Variants in SEPTIN9 observed in about 807,000 individuals in gnomAD.
The protein encoded by SEPTIN9 is septin 9, also known as septin-9.
A neutral mutation model predicts 56.6 loss-of-function variants in SEPTIN9; 13 were observed. That is an observed-to-expected ratio of 0.23 (90% CI 0.15 to 0.37). The LOEUF (loss-of-function observed/expected upper bound fraction) is 0.37. Among genes scored for constraint, SEPTIN9 ranks in the 10% least tolerant of loss-of-function variants. The pLI is 1.00. For missense variants in SEPTIN9, 650 were observed against 823.1 expected, an observed-to-expected ratio of 0.79 and a Z score of 2.57; for synonymous variants, 332 against 334.1, an observed-to-expected ratio of 0.99 and a Z score of 0.07.
intron 3 of SEPTIN9, among the ~76,000 whole-genome samples, chr17:77,413,940 CTT>C (rs202194441): frequency 3.7e-3 from 471 of 125,738 alleles, no homozygotes; most frequent in African/African-American, 0.011. Context: ...TCAGTATTTT[CTT>C]TTTTTTTTTT....
At position 77,310,579 on chromosome 17, in the gene SEPTIN9, G is replaced by A. The variant is rs1159152255; in HGVS notation, c.76+3382G>A. Among the ~76,000 whole-genome samples the A allele has an allele frequency of 5.3e-5, 6 of 113,182 alleles. No individual in the cohort carries two copies. Among genetic ancestry groups the A allele is most frequent in the East Asian group, 2.6e-4 (1 of 3,808 alleles). 74.3% of individuals were successfully genotyped at this position (113,182 alleles called of 152,430 possible). On this transcript the variant is annotated intron_variant, in intron 2 of 11. Coordinates refer to ENST00000427177, the MANE Select transcript of SEPTIN9 (RefSeq NM_001113491.2). The surrounding 1 kb of genome is among the most constrained non-coding windows in gnomAD (Gnocchi z 4.7). ...CTCTGTTACTAGTGCTGCCGGGAAC[G>A]TGTGTTTCCCCAGGTGGATTTGGCT...
In SEPTIN9 at chr17:77,436,354, A is replaced by C. The variant is rs929959686; in HGVS notation, c.721+33651A>C. Reference sequence around the variant, plus strand: ...ACCGACTTCTGCAGCCCAGCTGTTCAGAGCGGATCCAGAAGGTGGAGAGAG... The same window carrying C: ...ACCGACTTCTGCAGCCCAGCTGTTCCGAGCGGATCCAGAAGGTGGAGAGAG... On this transcript the variant is annotated intron_variant, in intron 3 of 11. Coordinates refer to ENST00000427177, the MANE Select transcript of SEPTIN9 (RefSeq NM_001113491.2). The surrounding 1 kb of genome is among the most constrained non-coding windows in gnomAD (Gnocchi z 4.4). Among the ~76,000 whole-genome samples, 12 of 152,244 alleles carry C rather than the reference A, an allele frequency of 7.9e-5. No individual in the cohort carries two copies. Among genetic ancestry groups the C allele is most frequent in the Non-Finnish European group, 1.5e-4 (10 of 68,036 alleles).
intron 2 of SEPTIN9, among the ~76,000 whole-genome samples, chr17:77,353,986 C>G (rs905840320): frequency 2.6e-5 from 4 of 152,122 alleles, no homozygotes; most frequent in African/African-American, 9.7e-5. Flanking sequence ...GAAAGACTCC[C>G]CACAAGGGTC....
intron 1 of SEPTIN9, among the ~76,000 whole-genome samples, chr17:77,291,020 A>G (rs1009464451): frequency 7.2e-5 from 10 of 138,548 alleles, no homozygotes; most frequent in Admixed American, 6.7e-4. Flanking sequence ...TGTGCGCTGC[A>G]TGCCTGGCTA....
chr17:77,350,610 A>AGTGTGTGTGTGT (rs57851361), intron 2 of SEPTIN9, among the ~76,000 whole-genome samples: 6,328 of 149,454 alleles, frequency 0.042, 169 homozygotes, highest in East Asian at 0.091. Flanking sequence ...CCTCCAGTGC[A>AGTGTGTGTGTGT]GTGTGTGTGT....
At chr17:77,441,841 C>T (rs1293039815) in intron 3 of SEPTIN9, among the ~76,000 whole-genome samples, 1 of 152,206 alleles carries the variant, frequency 6.6e-6, no homozygotes, top group Non-Finnish European at 1.5e-5. Flanking sequence ...ATCCTGCAGG[C>T]AGTCTGTCCT....
intron 4 of SEPTIN9, among the ~76,000 whole-genome samples, chr17:77,485,466 A>T (rs992956072): frequency 2.0e-5 from 3 of 150,792 alleles, no homozygotes; most frequent in African/African-American, 7.3e-5. Flanking sequence ...GGCGGGAGTG[A>T]TGGGATGATG....
rs1275991309 is a variant in SEPTIN9, at chr17:77,434,293, C to T, written c.721+31590C>T. Among the ~76,000 whole-genome samples the T allele has an allele frequency of 5.3e-5, 8 of 152,280 alleles. No homozygotes were observed. In the East Asian group the frequency reaches 7.7e-4, roughly 15 times the overall value. Reference sequence around the variant, plus strand: ...GTCAGACTTACCCTCCTTGTGCCTCCGTTCACCCTGTCCACCCGCAGGGCC... The same window carrying T: ...GTCAGACTTACCCTCCTTGTGCCTCTGTTCACCCTGTCCACCCGCAGGGCC... On this transcript the variant is annotated intron_variant, in intron 3 of 11. Coordinates refer to ENST00000427177, the MANE Select transcript of SEPTIN9 (RefSeq NM_001113491.2). The surrounding 1 kb of genome is among the most constrained non-coding windows in gnomAD (Gnocchi z 5.0).
rs2032754878 is a variant in SEPTIN9 at position 77,317,522 on chromosome 17, T to A, written c.76+10325T>A. Among the ~76,000 whole-genome samples the A allele has an allele frequency of 6.6e-6, 1 of 152,186 alleles. No individual in the cohort carries two copies. Among genetic ancestry groups the A allele is most frequent in the Admixed American group, 6.5e-5 (1 of 15,280 alleles). On this transcript the variant is annotated intron_variant, in intron 2 of 11. Transcript: ENST00000427177. This position sits in a 1 kb window ranked among gnomAD's most constrained non-coding sequence, Gnocchi z 4.2. The stretch of plus-strand genomic sequence containing the variant: ...AGGGATCTAGGTTGCGTGCTTCTTA[T>A]GAGAATCTGATGCCTGATGATCTGT...
At chr17:77,390,222 C>CA in intron 2 of SEPTIN9, among the ~76,000 whole-genome samples, 1 of 151,674 alleles carries the variant, frequency 6.6e-6, no homozygotes, top group African/African-American at 2.4e-5. Context: ...AGGCAGGCGC[C>CA]CGTAGTCCCA....
At chr17:77,406,675 G>GT (rs1475403457) in intron 3 of SEPTIN9, among the ~76,000 whole-genome samples, 2 of 147,946 alleles carry the variant, frequency 1.4e-5, no homozygotes, top group African/African-American at 2.5e-5. Flanking sequence ...TTTTTTTTTT[G>GT]TTTTTTGTTT....
chr17:77,454,815 C>T (rs865936258), intron 3 of SEPTIN9, among the ~76,000 whole-genome samples: 7 of 152,368 alleles, frequency 4.6e-5, no homozygotes, highest in South Asian at 4.1e-4. Context: ...CTTCTGCAGG[C>T]GCCTGAGCTG....
intron 7 of SEPTIN9, among the ~76,000 whole-genome samples, 161 bp from the exon 8 acceptor site, chr17:77,490,581 C>T (rs1000707211): frequency 1.3e-5 from 2 of 152,208 alleles, no homozygotes; most frequent in Admixed American, 1.3e-4. Context: ...CTGCCCCACA[C>T]TCACAGCGTG....
At chr17:77,460,602 T>C (rs312845) in intron 3 of SEPTIN9, among the ~76,000 whole-genome samples, 14,484 of 152,130 alleles carry the variant, frequency 0.095, 1,739 homozygotes, top group African/African-American at 0.28. Flanking sequence ...TGGAGTGGGT[T>C]CACCAGAAAT....
chr17:77,485,244 T>TGTGATGGTGGTGAAGGGG (rs2039717741), intron 4 of SEPTIN9, among the ~76,000 whole-genome samples: 5 of 106,908 alleles, frequency 4.7e-5, no homozygotes, highest in Admixed American at 8.9e-5. Context: ...TGGTGGTGAT[T>TGTGATGGTGGTGAAGGGG]GTGATGGTGG....
chr17:77,328,159 G>T (rs1437187124), intron 2 of SEPTIN9, among the ~76,000 whole-genome samples: 1 of 100,414 alleles, frequency 1.0e-5, no homozygotes, highest in Non-Finnish European at 2.4e-5. Context: ...GGGTGTCCCC[G>T]TGCCCAGTGT....
chr17:77,426,201 T>G (rs975364730), intron 3 of SEPTIN9, among the ~76,000 whole-genome samples: 9 of 152,078 alleles, frequency 5.9e-5, no homozygotes, highest in Admixed American at 3.9e-4. Flanking sequence ...GACCCCTGCT[T>G]GGGTAGTTGT....
chr17:77,341,081 A>C (rs941876393), intron 2 of SEPTIN9, among the ~76,000 whole-genome samples: 7 of 152,142 alleles, frequency 4.6e-5, no homozygotes, highest in African/African-American at 1.7e-4. Flanking sequence ...CTTCTTCTTC[A>C]TGTGTGCACT....
chr17:77,473,319 A>C (rs1433842131), intron 3 of SEPTIN9, among the ~76,000 whole-genome samples: 1 of 152,232 alleles, frequency 6.6e-6, no homozygotes, highest in African/African-American at 2.4e-5. Context: ...AGAGTGCTGC[A>C]GGTAATGCTG....
Sources: gnomAD v4.1 joint callset for allele counts (sites outside exome capture counted in the v4.1 genomes callset) on GRCh38, gnomAD v4.1.1 for gene constraint, Gnocchi (gnomAD v3.1) non-coding constraint, MANE v1.5 for transcripts, NCBI Gene and HGNC (gene_info 2026-07-23, HGNC 2026-07-21) for gene names.